The following GPC5 variants were observed in gnomAD, a reference collection of about 807,000 sequenced individuals.
GPC5 encodes glypican 5.
GPC5 carries 47 observed loss-of-function variants against 53.9 expected under a neutral mutation model. The observed-to-expected ratio is 0.87, with a 90% confidence interval of 0.69 to 1.11. The LOEUF (loss-of-function observed/expected upper bound fraction) is 1.11, where lower values mean the gene tolerates loss of function less well. Ranked by LOEUF, GPC5 falls within the 50% of genes most tolerant of loss-of-function variation. GPC5 has a pLI of 0.00. For synonymous variants in GPC5, 286 were observed against 263.3 expected, an observed-to-expected ratio of 1.09 and a Z score of -0.84; for missense variants, 748 against 713.1, an observed-to-expected ratio of 1.05 and a Z score of -0.56.
intron 7 of GPC5, among the ~76,000 whole-genome samples, chr13:92,706,682 T>G (rs1887962367): frequency 6.6e-6 from 1 of 152,176 alleles, no homozygotes; most frequent in South Asian, 2.1e-4. Context: ...CCCCTGGTAA[T>G]GGAACACTCT....
intron 7 of GPC5, among the ~76,000 whole-genome samples, chr13:92,580,985 T>C (rs182963161): frequency 6.6e-6 from 1 of 152,324 alleles, no homozygotes; most frequent in Admixed American, 6.5e-5. Context: ...TATTGTACAA[T>C]ATGTTTTTGA....
At chr13:91,717,614 T>C (rs1330874683) in intron 3 of GPC5, among the ~76,000 whole-genome samples, 3 of 151,952 alleles carry the variant, frequency 2.0e-5, no homozygotes, top group Non-Finnish European at 4.4e-5. Flanking sequence ...TAGAGTGCAA[T>C]GGCGGGATCT....
At chr13:92,196,036 G>A (rs902128411) in intron 7 of GPC5, among the ~76,000 whole-genome samples, 7 of 152,148 alleles carry the variant, frequency 4.6e-5, no homozygotes, top group East Asian at 3.9e-4. Context: ...TGAGGCAGGC[G>A]CTCAGGGCAA....
chr13:91,683,842 C>T (rs2035562278), intron 2 of GPC5, among the ~76,000 whole-genome samples: 2 of 152,140 alleles, frequency 1.3e-5, no homozygotes, highest in Non-Finnish European at 2.9e-5. Flanking sequence ...AATGTTTGAC[C>T]TCATAGCCCC....
At chr13:92,737,057 C>T (rs1483714973) in intron 7 of GPC5, among the ~76,000 whole-genome samples, 1 of 151,956 alleles carries the variant, frequency 6.6e-6, no homozygotes, top group African/African-American at 2.4e-5. Context: ...ACTTTCTCCT[C>T]TACTTCCAAA....
intron 5 of GPC5, among the ~76,000 whole-genome samples, chr13:91,772,537 A>AT (rs750052720): frequency 2.0e-5 from 3 of 152,070 alleles, no homozygotes; most frequent in Non-Finnish European, 4.4e-5. Context: ...TTCCCTTATA[A>AT]TTTTTTTATT....
At chr13:92,010,222 C>T (rs2138772577) in intron 6 of GPC5, among the ~76,000 whole-genome samples, 1 of 152,278 alleles carries the variant, frequency 6.6e-6, no homozygotes, top group South Asian at 2.1e-4. Context: ...CAGCACTTAA[C>T]ATATCATATA....
chr13:92,678,656 G>C (rs553106648), intron 7 of GPC5, among the ~76,000 whole-genome samples: 6 of 152,304 alleles, frequency 3.9e-5, no homozygotes, highest in East Asian at 1.9e-4. Context: ...ACCAACCATA[G>C]AGAGTCTTAG....
intron 7 of GPC5, among the ~76,000 whole-genome samples, chr13:92,602,489 C>G (rs1041516896): frequency 3.9e-5 from 6 of 151,920 alleles, no homozygotes; most frequent in South Asian, 2.1e-4. Flanking sequence ...ACTCTACTAA[C>G]TGCTCCAAAT....
intron 6 of GPC5, among the ~76,000 whole-genome samples, chr13:92,103,139 G>T (rs1056326848): frequency 6.6e-6 from 1 of 151,968 alleles, no homozygotes; most frequent in Non-Finnish European, 1.5e-5. Flanking sequence ...TGGAATTATA[G>T]GTGTGAGCCA....
rs1281053123 is a variant in GPC5 at position 91,448,925 on chromosome 13, A to C, written c.325+3A>C. On this transcript the variant is annotated splice_donor_region_variant and intron_variant, in intron 2 of 7. Coordinates refer to ENST00000377067, the MANE Select transcript of GPC5 (RefSeq NM_004466.6). Reference sequence around the variant, plus strand: ...TCGAAATGCGGCTGCTTTTCAAGGTAAGTGGATCTTGAATTCTGCAACTAA... The same window carrying C: ...TCGAAATGCGGCTGCTTTTCAAGGTCAGTGGATCTTGAATTCTGCAACTAA... The C allele has an allele frequency of 6.2e-7, 1 of 1,611,828 alleles. No homozygotes were observed. Among genetic ancestry groups the C allele is most frequent in the South Asian group, 1.1e-5 (1 of 90,800 alleles).
chr13:92,505,395 T>C (rs567985234), intron 7 of GPC5, among the ~76,000 whole-genome samples: 17 of 151,974 alleles, frequency 1.1e-4, no homozygotes, highest in Non-Finnish European at 1.9e-4. Flanking sequence ...AAAAAGTCAA[T>C]GAAAATCATG....
At chr13:92,740,386 C>T (rs1889051696) in intron 7 of GPC5, among the ~76,000 whole-genome samples, 1 of 152,084 alleles carries the variant, frequency 6.6e-6, no homozygotes, top group African/African-American at 2.4e-5. Context: ...TTGTCTCTCT[C>T]ATGCACTTTA....
intron 2 of GPC5, among the ~76,000 whole-genome samples, chr13:91,483,818 A>G (rs910811729): frequency 1.1e-4 from 16 of 152,340 alleles, no homozygotes; most frequent in African/African-American, 3.6e-4. Context: ...GTTTTTTCTC[A>G]TCAACATTAC....
At chr13:92,670,941 G>A (rs1380357217) in intron 7 of GPC5, among the ~76,000 whole-genome samples, 1 of 151,978 alleles carries the variant, frequency 6.6e-6, no homozygotes, top group Non-Finnish European at 1.5e-5. Flanking sequence ...ATTTTCCAGG[G>A]AACTTGCTTG....
chr13:92,265,613 C>G (rs995041555), intron 7 of GPC5, among the ~76,000 whole-genome samples: 2 of 152,144 alleles, frequency 1.3e-5, no homozygotes, highest in African/African-American at 2.4e-5. Context: ...CTTCTGAACT[C>G]TCACCAGAAT....
intron 2 of GPC5, among the ~76,000 whole-genome samples, chr13:91,682,167 G>A (rs957814812): frequency 3.9e-5 from 6 of 152,090 alleles, no homozygotes; most frequent in African/African-American, 1.2e-4. Flanking sequence ...TGTAAACTAG[G>A]AATGATTAAT....
chr13:91,490,632 C>A (rs913025481), intron 2 of GPC5, among the ~76,000 whole-genome samples: 8 of 152,096 alleles, frequency 5.3e-5, no homozygotes, highest in African/African-American at 1.9e-4. Flanking sequence ...TAAATCCTGG[C>A]TTCAATTTCT....
intron 7 of GPC5, among the ~76,000 whole-genome samples, chr13:92,298,334 G>A (rs968683698): frequency 6.6e-6 from 1 of 152,150 alleles, no homozygotes. Flanking sequence ...CCCAAGTTCT[G>A]TTCAGGAGGC....
Sources: allele counts gnomAD v4.1 joint callset (sites outside exome capture counted in the v4.1 genomes callset), GRCh38; gene constraint gnomAD v4.1.1; transcripts MANE v1.5; gene names NCBI Gene and HGNC (gene_info 2026-07-23, HGNC 2026-07-21).